The following DST variants were observed in gnomAD, a reference collection of about 807,000 sequenced individuals.
The protein encoded by DST is bullous pemphigoid antigen.
DST carries 253 observed loss-of-function variants against 875.2 expected under a neutral mutation model. The ratio of observed to expected loss-of-function variants is 0.29; its 90% CI spans 0.26 to 0.32. The LOEUF (loss-of-function observed/expected upper bound fraction) is 0.32, where lower values mean the gene tolerates loss of function less well. DST is among the 10% of genes least tolerant of loss of function. The probability of loss-of-function intolerance (pLI) is 1.00; values close to 1 mark genes in which losing one functional copy is unlikely to be tolerated. For synonymous variants in DST, 3,124 were observed against 3,197.1 expected (o/e 0.98, Z 0.77); for missense variants, 8,287 against 9,111.6 (o/e 0.91, Z 3.68).
chr6:56,907,735 T>C (rs923346953), intron 2 of DST, among the ~76,000 whole-genome samples: 1 of 152,138 alleles, frequency 6.6e-6, no homozygotes, highest in Non-Finnish European at 1.5e-5. Context: ...ACAATTTAGA[T>C]GAATGAGGCA....
In DST at chr6:56,771,922, TAGA is replaced by T. The variant is rs2099667151; in HGVS notation, c.626-36636_626-36634del. 2.0e-5 allele frequency among the ~76,000 whole-genome samples: 3 copies of T among 152,328 alleles called. No homozygotes were observed. In the South Asian group the frequency reaches 6.2e-4, roughly 32 times the overall value. On this transcript the variant is annotated intron_variant, in intron 4 of 103. Coordinates refer to ENST00000680361, the MANE Select transcript of DST (RefSeq NM_001374736.1). ...TTATAACATTGCATTGAAGAGTCAC[TAGA>T]CATGTACTTTGGCCTCTAAGACACA...
chr6:56,929,654 A>T (rs1809112169), intron 2 of DST, among the ~76,000 whole-genome samples: 2 of 152,176 alleles, frequency 1.3e-5, no homozygotes, highest in Non-Finnish European at 2.9e-5. Flanking sequence ...GAATCACGTA[A>T]ATGTTTTACC....
At chr6:56,833,292 C>T (rs1170386452) in intron 4 of DST, among the ~76,000 whole-genome samples, 1 of 152,172 alleles carries the variant, frequency 6.6e-6, no homozygotes, top group African/African-American at 2.4e-5. Context: ...ACTGTCTTAA[C>T]TCTAAGAGGC....
At chr6:56,511,691 T>C (rs145457176) in intron 72 of DST, among the ~76,000 whole-genome samples, 186 of 152,248 alleles carry the variant, frequency 1.2e-3, no homozygotes, top group African/African-American at 3.8e-3. Flanking sequence ...GTAGCACATT[T>C]TGACAAGAGC....
At position 56,640,439 on chromosome 6, in the gene DST, C is replaced by T. The variant is rs748958658; in HGVS notation, c.2194G>A (p.Gly732Arg). The change falls in exon 18 of 104, where the codon GGG becomes AGG. Residue 732 changes from glycine (G) to arginine (R), a missense_variant. Around this residue, in one of 10 missense-constraint regions of DST, gnomAD observed 1,160 missense variants for 1,424.3 expected, o/e 0.81. Coordinates refer to ENST00000680361, the MANE Select transcript of DST (RefSeq NM_001374736.1). Reference protein sequence around the residue: ...AQTLHPSLTSGLTQSLTPSLT... With the variant: ...AQTLHPSLTSRLTQSLTPSLT... ...GAAGGTGTTAAACTCTGGGTCAGCC[C>T]TGAGGTCAGACTAGGGTGTAAGGTC... 1 of 1,614,162 alleles carries T rather than the reference C, an allele frequency of 6.2e-7. No individual in the cohort carries two copies. The highest frequency in any genetic ancestry group is 8.5e-7 in the Non-Finnish European group (1 of 1,180,028).
chr6:56,874,891 T>A (rs184112206), intron 3 of DST, among the ~76,000 whole-genome samples: 66 of 152,372 alleles, frequency 4.3e-4, no homozygotes, highest in Admixed American at 7.2e-4. Context: ...CTGGTTATCT[T>A]TACTAATACC....
At chr6:56,498,086 G>C in intron 80 of DST, 33 bp from the exon 81 acceptor site, 1 of 1,567,440 alleles carries the variant, frequency 6.4e-7, no homozygotes, top group South Asian at 1.1e-5. Context: ...ATGTTTGCTA[G>C]TTTGTAACAT....
At chr6:56,913,853 A>G (rs1799749923) in intron 2 of DST, among the ~76,000 whole-genome samples, 4 of 152,212 alleles carry the variant, frequency 2.6e-5, no homozygotes, top group Non-Finnish European at 5.9e-5. Flanking sequence ...TCAAACACAT[A>G]GATGATGCAG....
Position 56,530,118 on chromosome 6 carries a change from T to G in DST, c.17124A>C (p.Glu5708Asp). 1 of 1,594,046 alleles carries G rather than the reference T, an allele frequency of 6.3e-7. No homozygotes were observed. Among genetic ancestry groups the G allele is most frequent in the Non-Finnish European group, 8.5e-7 (1 of 1,171,996 alleles). ...NKAETRNRQLEGISVVAQQFH... is the reference protein window; with the variant it reads ...NKAETRNRQLDGISVVAQQFH... ...ATTGCTGTGCTACCACCGAGATACC[T>G]TCCAACTGACGATTCCTACAAATGT... Residue 5708 changes from glutamate to aspartate, a missense_variant, in exon 65 of 104, where the codon GAA becomes GAC. Coordinates refer to ENST00000680361, the MANE Select transcript of DST (RefSeq NM_001374736.1).
chr6:56,542,700 A>G (rs1289821991), intron 61 of DST: 4 of 152,624 alleles, frequency 2.6e-5, no homozygotes, highest in Non-Finnish European at 5.8e-5. Context: ...AGAACTCCGG[A>G]AGGGAGCTCC....
intron 49 of DST, among the ~76,000 whole-genome samples, chr6:56,590,342 T>A (rs1346460380): frequency 6.6e-6 from 1 of 152,212 alleles, no homozygotes; most frequent in Non-Finnish European, 1.5e-5. Context: ...ATTACTTTTA[T>A]ATGCAGTATA....
chr6:56,884,583 C>T (rs988433086), intron 3 of DST, among the ~76,000 whole-genome samples: 1 of 152,164 alleles, frequency 6.6e-6, no homozygotes. Context: ...TTTATTAGGG[C>T]TTGCAAGGTG....
At position 56,463,675 on chromosome 6, in the gene DST, G is replaced by C. The variant is rs2094446184; in HGVS notation, c.22849C>G (p.Arg7617Gly). 8.1e-6 allele frequency: 13 copies of C among 1,613,966 alleles called. No homozygotes were observed. Among genetic ancestry groups the C allele is most frequent in the Non-Finnish European group, 1.1e-5 (13 of 1,179,892 alleles). The change falls in exon 101 of 104, where the codon CGA (arginine) becomes GGA (glycine). Residue 7617 changes from arginine (R) to glycine (G), a missense_variant. Arg to Gly is a moderately radical substitution (Grantham distance 125). Transcript: ENST00000680361. ...QGMAAFRPRG[R>G]RSRPSSRGAS... ...CCTCGTGATGATGGCCGGGATCTTC[G>C]GCCTCGGGGTCGGAAAGCAGCCATA... is the stretch of plus-strand genomic sequence containing the variant.
At chr6:56,514,288 T>C (rs1223480211) in intron 72 of DST, among the ~76,000 whole-genome samples, 2 of 152,178 alleles carry the variant, frequency 1.3e-5, no homozygotes, top group East Asian at 1.9e-4. Flanking sequence ...AATAAATCTT[T>C]ATACAAAAAT....
At chr6:56,468,440 G>T (rs1471932887) in intron 98 of DST, among the ~76,000 whole-genome samples, 1 of 152,172 alleles carries the variant, frequency 6.6e-6, no homozygotes, top group African/African-American at 2.4e-5. Flanking sequence ...TCTACTCAGA[G>T]ATGCCAAGCC....
chr6:56,894,976 G>C lies in DST; in HGVS notation c.417+5445C>G, dbSNP rs556304689. The stretch of plus-strand genomic sequence containing the variant: ...TCCCGGACGGGGCGGCTGGCCAGGC[G>C]GGGGGCTGACCCCCCTACCTCCCTC... On this transcript the variant is annotated intron_variant, in intron 3 of 103. Transcript: ENST00000680361. Among the ~76,000 whole-genome samples, 16 of 102,392 alleles carry C rather than the reference G, an allele frequency of 1.6e-4. 2 individuals carry two copies. The East Asian group carries it at 1.9e-3, about 12-fold the overall frequency. 67.2% of individuals were successfully genotyped at this position (102,392 alleles called of 152,430 possible).
intron 10 of DST, among the ~76,000 whole-genome samples, chr6:56,654,685 A>C (rs927295627): frequency 6.6e-6 from 1 of 150,960 alleles, no homozygotes; most frequent in African/African-American, 2.5e-5. Flanking sequence ...GTATAAGGAT[A>C]TCACCACCTA....
At chr6:56,737,328 A>G (rs1314369388) in intron 4 of DST, among the ~76,000 whole-genome samples, 1 of 152,248 alleles carries the variant, frequency 6.6e-6, no homozygotes, top group Non-Finnish European at 1.5e-5. Context: ...TTTTTAAAAA[A>G]TTTCATGTTG....
intron 4 of DST, among the ~76,000 whole-genome samples, chr6:56,766,591 C>A (rs778841412): frequency 3.3e-5 from 5 of 150,400 alleles, no homozygotes; most frequent in Non-Finnish European, 7.4e-5. Context: ...TATGCAGTGG[C>A]GTGATTTCGA....
Sources: gnomAD v4.1 joint callset for allele counts (sites outside exome capture counted in the v4.1 genomes callset) on GRCh38, gnomAD v4.1.1 for gene constraint, gnomAD v4.1.1 regional missense constraint, MANE v1.5 for transcripts, NCBI Gene and HGNC (gene_info 2026-07-23, HGNC 2026-07-21) for gene names.